Variants in BTBD16 observed in about 807,000 individuals in gnomAD.
BTBD16 encodes the protein BTB domain containing 16.
BTBD16 carries 66 observed loss-of-function variants against 67.4 expected under a neutral mutation model. The observed-to-expected ratio is 0.98, with a 90% confidence interval of 0.80 to 1.20. The LOEUF is 1.20. Ranked by LOEUF, BTBD16 falls within the 50% of genes most tolerant of loss-of-function variation. The pLI is 0.00. For synonymous variants in BTBD16, 242 were observed against 236.4 expected (o/e 1.02, Z -0.22); for missense variants, 634 against 616.0 (o/e 1.03, Z -0.31).
At position 122,299,086 on chromosome 10, in the gene BTBD16, T is replaced by G; in HGVS notation, c.743T>G (p.Leu248Arg). ...CCTCTAGGGGGGACGCAGATCCACC[T>G]CCACAAAATCCCACAGGACCTGCTC... ...LVPLGGTQIH[L>R]HKIPQDLLHK... The change falls in exon 9 of 16, where the codon CTC becomes CGC. Residue 248 changes from leucine (L) to arginine (R), a missense_variant. By Grantham distance (102) the Leu-to-Arg change is moderately radical. Transcript: ENST00000260723. 6.2e-7 allele frequency: 1 copy of G among 1,613,972 alleles called. No homozygotes were observed. Among genetic ancestry groups the G allele is most frequent in the Non-Finnish European group, 8.5e-7 (1 of 1,179,974 alleles).
intron 1 of BTBD16, among the ~76,000 whole-genome samples, chr10:122,272,310 G>A (rs1023385300): frequency 1.3e-5 from 2 of 152,042 alleles, no homozygotes; most frequent in African/African-American, 4.8e-5. Flanking sequence ...CAAACACCAG[G>A]GCCATGTTTG....
chr10:122,287,492 G>A (rs574501096), intron 5 of BTBD16: 1 of 985,380 alleles, frequency 1.0e-6, no homozygotes, highest in African/African-American at 1.7e-5. Context: ...GAGACAAGAG[G>A]GAAGGTGCAG....
intron 5 of BTBD16, among the ~76,000 whole-genome samples, chr10:122,289,265 G>A (rs1404939340): frequency 1.3e-5 from 2 of 152,156 alleles, no homozygotes; most frequent in African/African-American, 2.4e-5. Context: ...ATAAGAGAAA[G>A]GATGGGGGAG....
rs892780723 is a variant in BTBD16, at chr10:122,291,091, G to T, written c.487G>T (p.Ala163Ser). The change falls in exon 7 of 16, where the codon GCC (alanine) becomes TCC (serine). Residue 163 changes from alanine (A) to serine (S), a missense_variant. Coordinates refer to ENST00000260723, the MANE Select transcript of BTBD16 (RefSeq NM_144587.5). ...PLVTKVAFAT[A>S]LKNLYMSEVE... ...CTGTGCCTCCCCAGCCTTCGCCACG[G>T]CCCTGAAGAACCTCTACATGAGTGA... 12 of 1,611,494 alleles carry T rather than the reference G, an allele frequency of 7.4e-6. No individual in the cohort carries two copies. The highest frequency in any genetic ancestry group is 7.6e-6 in the Non-Finnish European group (9 of 1,179,064).
At chr10:122,329,258 T>C (rs1414684865) in intron 10 of BTBD16, among the ~76,000 whole-genome samples, 1 of 152,162 alleles carries the variant, frequency 6.6e-6, no homozygotes, top group Non-Finnish European at 1.5e-5. Context: ...GAGGGGACTA[T>C]AAGCATTTGT....
At chr10:122,333,838 C>T (rs1590102674) in intron 13 of BTBD16, among the ~76,000 whole-genome samples, 1 of 152,020 alleles carries the variant, frequency 6.6e-6, no homozygotes, top group Non-Finnish European at 1.5e-5. Context: ...CCTTCAAGGG[C>T]CACTGATGGC....
intron 7 of BTBD16, chr10:122,291,505 A>G (rs2096374018): frequency 4.3e-6 from 1 of 233,226 alleles, no homozygotes; most frequent in Non-Finnish European, 8.2e-6. Context: ...GTAGCCCCCA[A>G]ACCAGGCTTG....
intron 13 of BTBD16, among the ~76,000 whole-genome samples, chr10:122,334,529 T>C (rs2096460360): frequency 9.6e-6 from 1 of 104,104 alleles, no homozygotes; most frequent in Admixed American, 1.2e-4. Flanking sequence ...TTTTTTGAGA[T>C]AGAGTCTTAC....
chr10:122,275,013 G>T (rs7096744), intron 1 of BTBD16, 27 bp from the exon 2 acceptor site: 586,034 of 1,531,552 alleles, frequency 0.38, 115,491 homozygotes, highest in East Asian at 0.62. Flanking sequence ...TATGGAAAAT[G>T]TCACCTTTAC....
At chr10:122,312,626 T>C (rs1020022855) in intron 10 of BTBD16, among the ~76,000 whole-genome samples, 3 of 152,170 alleles carry the variant, frequency 2.0e-5, no homozygotes, top group Non-Finnish European at 4.4e-5. Flanking sequence ...TCTTTCACTT[T>C]TCTAATGGAT....
Position 122,276,805 on chromosome 10 carries a change from G to T in BTBD16, c.33G>T (p.Leu11=). The change falls in exon 3 of 16, where the codon CTG becomes CTT. Residue 11 remains leucine (L), a synonymous_variant. Transcript: ENST00000260723. ...TTACCAAGCAGCACAAAGCTCGGCT[G>T]GAACGCCGGGTCACTGGCTCAACCA... MIMSNTHKAR[L]ERRVTGSTNR... The T allele has an allele frequency of 6.2e-7, 1 of 1,614,182 alleles. No individual in the cohort carries two copies. Among genetic ancestry groups the T allele is most frequent in the South Asian group, 1.1e-5 (1 of 91,070 alleles).
intron 10 of BTBD16, among the ~76,000 whole-genome samples, chr10:122,312,786 CTA>C (rs2096416386): frequency 6.6e-6 from 1 of 152,168 alleles, no homozygotes; most frequent in Non-Finnish European, 1.5e-5. Context: ...TTGTTCTTTT[CTA>C]TGTTCTGCTA....
intron 3 of BTBD16, among the ~76,000 whole-genome samples, chr10:122,277,512 C>A (rs190896446): frequency 1.4e-3 from 220 of 152,304 alleles, no homozygotes; most frequent in Middle Eastern, 0.014. Flanking sequence ...GCTCAAGGTT[C>A]TGCAGGCTGT....
intron 9 of BTBD16, among the ~76,000 whole-genome samples, chr10:122,303,880 G>A (rs762073335): frequency 1.3e-5 from 2 of 152,230 alleles, no homozygotes; most frequent in African/African-American, 4.8e-5. Flanking sequence ...TTGCACAAAC[G>A]AATACTTTCA....
At position 122,332,436 on chromosome 10, in the gene BTBD16, C is replaced by G. The variant is rs942208024; in HGVS notation, c.1087C>G (p.Leu363Val). The change falls in exon 13 of 16, where the codon CTG becomes GTG. Residue 363 changes from leucine (L) to valine (V), a missense_variant and splice_region_variant. Transcript: ENST00000260723. ...DQVTVNHYHA[L>V]ENGGDMVHLK... ...TCAGCTGTGTGCATTTTCCTTTCAG[C>G]TGGAGAATGGGGGCGACATGGTCCA... is the stretch of plus-strand genomic sequence containing the variant. 1.2e-6 allele frequency: 2 copies of G among 1,613,788 alleles called. No individual in the cohort carries two copies. Among genetic ancestry groups the G allele is most frequent in the Admixed American group, 1.7e-5 (1 of 59,964 alleles).
intron 3 of BTBD16, among the ~76,000 whole-genome samples, chr10:122,283,307 T>G (rs983905754): frequency 6.6e-6 from 1 of 152,152 alleles, no homozygotes; most frequent in African/African-American, 2.4e-5. Flanking sequence ...AGTGATGAGA[T>G]GTAACAACAC....
At chr10:122,306,417 T>A (rs960057632) in intron 9 of BTBD16, among the ~76,000 whole-genome samples, 4 of 152,216 alleles carry the variant, frequency 2.6e-5, no homozygotes, top group Non-Finnish European at 4.4e-5. Context: ...ACTCACCTCA[T>A]CCACTCTGTA....
intron 3 of BTBD16, among the ~76,000 whole-genome samples, chr10:122,278,175 T>C (rs531250697): frequency 1.6e-4 from 24 of 152,252 alleles, no homozygotes; most frequent in African/African-American, 5.5e-4. Context: ...CAAAAGCTGA[T>C]GAGAGGGTCT....
chr10:122,299,127 T>A lies in BTBD16; in HGVS notation c.784T>A (p.Ser262Thr). The change falls in exon 9 of 16, where the codon TCC (serine) becomes ACC (threonine). Residue 262 changes from serine to threonine, a missense_variant. By Grantham distance (58) the Ser-to-Thr change is moderately conservative. Coordinates refer to ENST00000260723, the MANE Select transcript of BTBD16 (RefSeq NM_144587.5). ...PQDLLHKVLK[S>T]PRLFTFSEFH... ...GGACCTGCTCCACAAAGTGCTGAAG[T>A]CCCCCAGGTCAGAGCTGGCTCCCAG... The A allele has an allele frequency of 6.2e-7, 1 of 1,613,302 alleles. No individual in the cohort carries two copies. Among genetic ancestry groups the A allele is most frequent in the Admixed American group, 1.7e-5 (1 of 59,950 alleles).
Sources: gnomAD v4.1 joint callset for allele counts (sites outside exome capture counted in the v4.1 genomes callset) on GRCh38, gnomAD v4.1.1 for gene constraint, MANE v1.5 for transcripts, NCBI Gene and HGNC (gene_info 2026-07-23, HGNC 2026-07-21) for gene names.